The following SHC4 variants were observed in gnomAD, a reference collection of about 807,000 sequenced individuals.
SHC4 encodes SHC adaptor protein 4.
SHC4 carries 41 observed loss-of-function variants against 69.4 expected under a neutral mutation model. The observed-to-expected ratio is 0.59, with a 90% CI of 0.46 to 0.77. The LOEUF (loss-of-function observed/expected upper bound fraction) is 0.77. Ranked by LOEUF, SHC4 falls within the 30% of genes least tolerant of loss-of-function variation. The pLI, the probability that SHC4 is intolerant of heterozygous loss-of-function variation, is 0.00. For synonymous variants in SHC4, 318 were observed against 299.3 expected (o/e 1.06, Z -0.64); for missense variants, 777 against 783.8 (o/e 0.99, Z 0.10).
intron 1 of SHC4, among the ~76,000 whole-genome samples, chr15:48,940,173 A>C (rs773765634): frequency 1.3e-4 from 20 of 152,246 alleles, no homozygotes; most frequent in Non-Finnish European, 2.1e-4. Context: ...ATGCCCTTGC[A>C]GGATGGTTTA....
In SHC4 at chr15:48,892,227, T is replaced by G; in HGVS notation, c.657-1416A>C. ...AGCGATGTTCTTCTAGAAAATACTT[T>G]TGAAAGATAAGCAGAATTCCCAAAG... On this transcript the variant is annotated intron_variant, in intron 2 of 11. Coordinates refer to ENST00000332408, the MANE Select transcript of SHC4 (RefSeq NM_203349.4). 1.3e-5 allele frequency among the ~76,000 whole-genome samples: 2 copies of G among 152,200 alleles called. 1 individual carries two copies. Among genetic ancestry groups the G allele is most frequent in the East Asian group, 3.9e-4 (2 of 5,160 alleles).
chr15:48,913,143 G>A (rs1245820600), intron 2 of SHC4, among the ~76,000 whole-genome samples: 1 of 151,814 alleles, frequency 6.6e-6, no homozygotes, highest in East Asian at 1.9e-4. Flanking sequence ...TTAGTGTGTG[G>A]GGTCCTAGAA....
intron 9 of SHC4, among the ~76,000 whole-genome samples, chr15:48,847,801 G>A (rs539933603): frequency 3.9e-5 from 6 of 151,978 alleles, no homozygotes; most frequent in South Asian, 2.1e-4. Flanking sequence ...TTGGGAGTTC[G>A]AGACCAACCT....
intron 2 of SHC4, among the ~76,000 whole-genome samples, chr15:48,914,180 G>T (rs140389123): frequency 6.6e-6 from 1 of 152,240 alleles, no homozygotes; most frequent in Non-Finnish European, 1.5e-5. Flanking sequence ...GCGTTTTAAA[G>T]ACTTGAGCCT....
chr15:48,868,574 G>A (rs750232389), intron 5 of SHC4, among the ~76,000 whole-genome samples: 3 of 152,164 alleles, frequency 2.0e-5, no homozygotes, highest in Admixed American at 2.0e-4. Context: ...TGAATGATAA[G>A]GTTTTAATAA....
intron 1 of SHC4, among the ~76,000 whole-genome samples, chr15:48,933,172 C>A (rs1901002065): frequency 6.6e-6 from 1 of 152,142 alleles, no homozygotes; most frequent in South Asian, 2.1e-4. Context: ...CCAAACCAAT[C>A]ATTCCAGTCC....
chr15:48,907,038 G>C (rs1244055945), intron 2 of SHC4, among the ~76,000 whole-genome samples: 1 of 151,872 alleles, frequency 6.6e-6, no homozygotes, highest in Non-Finnish European at 1.5e-5. Context: ...GTTACTACGG[G>C]TTATCTCCAG....
chr15:48,890,901 A>C, intron 2 of SHC4, 90 bp from the exon 3 acceptor site: 1 of 1,342,250 alleles, frequency 7.5e-7, no homozygotes, highest in East Asian at 2.3e-5. Context: ...TCACGACCAA[A>C]AAGTACACAT....
intron 2 of SHC4, among the ~76,000 whole-genome samples, chr15:48,918,775 T>C (rs1900679325): frequency 6.6e-6 from 1 of 152,236 alleles, no homozygotes; most frequent in African/African-American, 2.4e-5. Flanking sequence ...TAAAAGGAAG[T>C]CAGAGGTGAA....
At chr15:48,890,408 G>C (rs17468155) in intron 3 of SHC4, among the ~76,000 whole-genome samples, 14,769 of 152,220 alleles carry the variant, frequency 0.097, 919 homozygotes, top group Non-Finnish European at 0.14. Flanking sequence ...GCCATTTAGT[G>C]CAACTCCCTA....
chr15:48,900,373 G>A (rs985250389), intron 2 of SHC4, among the ~76,000 whole-genome samples: 1 of 152,056 alleles, frequency 6.6e-6, no homozygotes, highest in African/African-American at 2.4e-5. Context: ...CGGAAGTGGT[G>A]GTGGGCACCT....
chr15:48,879,887 A>G (rs1236132446), intron 4 of SHC4: 1 of 167,092 alleles, frequency 6.0e-6, no homozygotes, highest in Admixed American at 6.5e-5. Context: ...ATTAAGGGAA[A>G]ATGATCCAGC....
In SHC4 at chr15:48,894,508, G is replaced by A. The variant is rs573286543; in HGVS notation, c.657-3697C>T. Among the ~76,000 whole-genome samples, 20 of 152,200 alleles carry A rather than the reference G, an allele frequency of 1.3e-4. No homozygotes were observed. In the South Asian group the frequency reaches 3.7e-3, roughly 28 times the overall value. On this transcript the variant is annotated intron_variant, in intron 2 of 11. Transcript: ENST00000332408. ...GGAGAGGTGACACCCATAGAGAGACGGGACAATGTTCCTGTTATGGATACT... is the reference window on the plus strand; with the variant it reads ...GGAGAGGTGACACCCATAGAGAGACAGGACAATGTTCCTGTTATGGATACT...
At chr15:48,836,513 A>G (rs982385675) in intron 10 of SHC4, among the ~76,000 whole-genome samples, 1 of 152,192 alleles carries the variant, frequency 6.6e-6, no homozygotes, top group African/African-American at 2.4e-5. Flanking sequence ...AGGCAAATTT[A>G]CCAGGAAAAT....
At chr15:48,884,203 GA>G in intron 4 of SHC4, 44 bp downstream of exon 4, 1 of 1,550,152 alleles carries the variant, frequency 6.5e-7, no homozygotes. Flanking sequence ...ACGCTTCTCT[GA>G]AAAAATAGAT....
At chr15:48,869,652 G>A (rs1181119404) in intron 5 of SHC4, among the ~76,000 whole-genome samples, 3 of 152,116 alleles carry the variant, frequency 2.0e-5, no homozygotes, top group Non-Finnish European at 4.4e-5. Flanking sequence ...AATAAGTCAC[G>A]TCTACTTGAC....
At chr15:48,936,059 T>G (rs914032924) in intron 1 of SHC4, among the ~76,000 whole-genome samples, 1 of 152,146 alleles carries the variant, frequency 6.6e-6, no homozygotes, top group Non-Finnish European at 1.5e-5. Flanking sequence ...TCTCCCCTAC[T>G]AGAAGATTAG....
chr15:48,828,044 T>C (rs78464480), intron 11 of SHC4, among the ~76,000 whole-genome samples: 261 of 152,240 alleles, frequency 1.7e-3, no homozygotes, highest in Non-Finnish European at 3.2e-3. Flanking sequence ...CACAAGATTT[T>C]TCACTGTGGT....
At chr15:48,838,331 G>A (rs1014401239) in intron 10 of SHC4, among the ~76,000 whole-genome samples, 17 of 152,224 alleles carry the variant, frequency 1.1e-4, no homozygotes, top group African/African-American at 3.9e-4. Flanking sequence ...AAAGGACCAT[G>A]AGTATTGATT....
Sources: gnomAD v4.1 joint callset for allele counts (sites outside exome capture counted in the v4.1 genomes callset) on GRCh38, gnomAD v4.1.1 for gene constraint, MANE v1.5 for transcripts, NCBI Gene and HGNC (gene_info 2026-07-23, HGNC 2026-07-21) for gene names.